Variants in KANSL1 observed in about 807,000 individuals in gnomAD.
KANSL1 encodes the protein KAT8 regulatory NSL complex subunit 1.
In KANSL1, 22 loss-of-function variants were observed where a neutral mutation model predicts 103.6. The ratio of observed to expected loss-of-function variants is 0.21; its 90% CI spans 0.15 to 0.30. The LOEUF (loss-of-function observed/expected upper bound fraction) is 0.30, where lower values mean the gene tolerates loss of function less well. KANSL1 is among the 10% of genes least tolerant of loss of function. The pLI, the probability that KANSL1 is intolerant of heterozygous loss-of-function variation, is 1.00. For missense variants in KANSL1, 1,337 were observed against 1,399.8 expected (o/e 0.96, Z 0.72); for synonymous variants, 600 against 527.6 (o/e 1.14, Z -1.88).
At chr17:46,098,709 A>G (rs1444633275) in intron 2 of KANSL1, among the ~76,000 whole-genome samples, 2 of 152,256 alleles carry the variant, frequency 1.3e-5, no homozygotes, top group Admixed American at 6.5e-5. Context: ...GTTTCATTTT[A>G]CAAGTGTATC....
chr17:46,207,247 C>T (rs1437073766), intron 1 of KANSL1, among the ~76,000 whole-genome samples: 2 of 152,178 alleles, frequency 1.3e-5, no homozygotes, highest in African/African-American at 2.4e-5. Flanking sequence ...TGCGGTGGCT[C>T]ACGCCTGTAA....
chr17:46,099,713 T>C (rs1381312598), intron 2 of KANSL1, among the ~76,000 whole-genome samples: 1 of 152,242 alleles, frequency 6.6e-6, no homozygotes, highest in Non-Finnish European at 1.5e-5. Context: ...TAGAATGCCT[T>C]AGAACGTTTG....
Position 46,032,207 on chromosome 17 carries a change from C to T in KANSL1, c.2930G>A (p.Ser977Asn). 1 of 1,602,472 alleles carries T rather than the reference C, an allele frequency of 6.2e-7. No homozygotes were observed. Among genetic ancestry groups the T allele is most frequent in the Non-Finnish European group, 8.5e-7 (1 of 1,172,624 alleles). Residue 977 changes from serine to asparagine, a missense_variant, in exon 14 of 15, where the codon AGC becomes AAC. By Grantham distance (46) the Ser-to-Asn change is conservative. This residue lies in a region of KANSL1 where 780 missense variants were observed against 923.4 expected (regional missense o/e 0.84). Transcript: ENST00000432791. Reference sequence around the variant, plus strand: ...ATGGGAGTATTCTGACAAAGAGTGGCTACTGCTGACATCAGGGGAGGCAGG... The same window carrying T: ...ATGGGAGTATTCTGACAAAGAGTGGTTACTGCTGACATCAGGGGAGGCAGG... Reference protein sequence around the residue: ...PQPASPDVSSSHSLSEYSHGQ... With the variant: ...PQPASPDVSSNHSLSEYSHGQ...
chr17:46,116,584 A>G (rs1379486489), intron 2 of KANSL1, among the ~76,000 whole-genome samples: 1 of 152,242 alleles, frequency 6.6e-6, no homozygotes, highest in African/African-American at 2.4e-5. Context: ...AATGTTTTCT[A>G]TCAAGACACA....
chr17:46,153,525 G>C (rs920382694), intron 2 of KANSL1, among the ~76,000 whole-genome samples: 2 of 152,210 alleles, frequency 1.3e-5, no homozygotes, highest in Non-Finnish European at 2.9e-5. Flanking sequence ...AACCCCACTG[G>C]CTGTTTACAA....
rs1243703000 is a variant in KANSL1 at position 46,148,905 on chromosome 17, A to AG, written c.1289+21949_1289+21950insC. ...CTGGCCTGTTGCTTACACTTAAAAA[A>AG]AAAAAAAAAAATTCCTCCCCTCTCC... On this transcript the variant is annotated intron_variant, in intron 2 of 14. Coordinates refer to ENST00000432791, the MANE Select transcript of KANSL1 (RefSeq NM_015443.4). 2.0e-5 allele frequency among the ~76,000 whole-genome samples: 3 copies of AG among 151,442 alleles called. No individual in the cohort carries two copies. In the East Asian group the frequency reaches 5.9e-4, roughly 30 times the overall value.
chr17:46,101,726 C>A (rs1302728761), intron 2 of KANSL1, among the ~76,000 whole-genome samples: 9 of 127,080 alleles, frequency 7.1e-5, no homozygotes, highest in Non-Finnish European at 1.4e-4. Context: ...TGCTCTCCAG[C>A]CTGGGGGACA....
chr17:46,114,655 T>C (rs903949024), intron 2 of KANSL1, among the ~76,000 whole-genome samples: 1 of 152,238 alleles, frequency 6.6e-6, no homozygotes, highest in Non-Finnish European at 1.5e-5. Flanking sequence ...TAAAGACATA[T>C]ACACTCTTGA....
At chr17:46,130,261 TAAATTAAATCAA>T (rs1489420719) in intron 2 of KANSL1, among the ~76,000 whole-genome samples, 4 of 148,504 alleles carry the variant, frequency 2.7e-5, no homozygotes, top group South Asian at 4.2e-4. Context: ...CCACACCAGA[TAAATTAAATCAA>T]AATTTAATCG....
intron 2 of KANSL1, among the ~76,000 whole-genome samples, chr17:46,109,593 G>C (rs762608991): frequency 6.6e-5 from 10 of 152,132 alleles, no homozygotes; most frequent in Non-Finnish European, 1.5e-4. Flanking sequence ...GGTTGAGCTA[G>C]TTTTCAGTTA....
intron 1 of KANSL1, among the ~76,000 whole-genome samples, chr17:46,182,038 C>T (rs1276958286): frequency 6.6e-6 from 1 of 152,190 alleles, no homozygotes; most frequent in Non-Finnish European, 1.5e-5. Flanking sequence ...TCTGAATTTT[C>T]CCTAATTGTT....
Position 46,172,255 on chromosome 17 carries a change from A to G in KANSL1, c.-89-23T>C, listed in dbSNP as rs2696662. 0.22 allele frequency: 225,471 copies of G among 1,037,974 alleles called. 27,645 individuals carry two copies. The highest frequency in any genetic ancestry group is 0.26 in the Non-Finnish European group (193,833 of 737,610). 64.3% of individuals were successfully genotyped at this position (1,037,974 alleles called of 1,614,324 possible). On this transcript the variant is annotated intron_variant, in intron 1 of 14. Transcript: ENST00000432791. ...AGACTAGAAGAGAAAGGAGAAAAGA[A>G]TATTAGAAATACAAGCACTTTTAAA...
chr17:46,153,782 T>G (rs2147520948), intron 2 of KANSL1, among the ~76,000 whole-genome samples: 1 of 152,242 alleles, frequency 6.6e-6, no homozygotes, highest in South Asian at 2.1e-4. Context: ...AGAGAGAAAC[T>G]AAGACAATCT....
At chr17:46,098,303 C>T (rs1387111548) in intron 2 of KANSL1, among the ~76,000 whole-genome samples, 2 of 151,986 alleles carry the variant, frequency 1.3e-5, no homozygotes, top group Non-Finnish European at 2.9e-5. Flanking sequence ...CTAAAACTAC[C>T]ACCACACCAG....
chr17:46,195,579 T>C (rs116037319), upstream of KANSL1, among the ~76,000 whole-genome samples: 1,691 of 152,356 alleles, frequency 0.011, 29 homozygotes, highest in African/African-American at 0.039. Context: ...ACTTTTATTT[T>C]TTTGACAGGG....
chr17:46,212,262 A>C (rs2668670), intron 1 of KANSL1, among the ~76,000 whole-genome samples: 21,936 of 151,876 alleles, frequency 0.14, 2,142 homozygotes, highest in Non-Finnish European at 0.22. Flanking sequence ...TGCTCTGTCA[A>C]CAGGCTGGAG....
At chr17:46,083,116 A>G (rs934726205) in intron 3 of KANSL1, among the ~76,000 whole-genome samples, 3 of 152,198 alleles carry the variant, frequency 2.0e-5, no homozygotes, top group Non-Finnish European at 2.9e-5. Context: ...TGACAATTTC[A>G]AATTCAGACC....
chr17:46,191,539 A>G (rs12942899), intron 1 of KANSL1, among the ~76,000 whole-genome samples: 16,308 of 151,946 alleles, frequency 0.11, 1,230 homozygotes, highest in Non-Finnish European at 0.16. Context: ...CTAACGTACT[A>G]GTTTCCATAC....
rs142571089 is a variant in KANSL1 at position 46,174,070 on chromosome 17, G to A, written c.-89-1838C>T. 6.1e-4 allele frequency among the ~76,000 whole-genome samples: 93 copies of A among 152,340 alleles called. 1 individual carries two copies. The South Asian group carries it at 0.018, about 29-fold the overall frequency. Reference sequence around the variant, plus strand: ...TGTCACTTCAAGGAAGACCACTGACGATATTTGCTGCCAATAATAAAATCT... The same window carrying A: ...TGTCACTTCAAGGAAGACCACTGACAATATTTGCTGCCAATAATAAAATCT... On this transcript the variant is annotated intron_variant, in intron 1 of 14. Transcript: ENST00000432791.
Sources: gnomAD v4.1 joint callset for allele counts (sites outside exome capture counted in the v4.1 genomes callset) on GRCh38, gnomAD v4.1.1 for gene constraint, gnomAD v4.1.1 regional missense constraint, MANE v1.5 for transcripts, NCBI Gene and HGNC (gene_info 2026-07-23, HGNC 2026-07-21) for gene names.